Variants in ALK observed in about 807,000 individuals in gnomAD.
ALK encodes the protein ALK receptor tyrosine kinase, also known as ALK tyrosine kinase receptor.
A neutral mutation model predicts 163.1 loss-of-function variants in ALK; 74 were observed. The ratio of observed to expected loss-of-function variants is 0.45; its 90% CI spans 0.38 to 0.55. ALK has a LOEUF of 0.55. ALK is among the 20% of genes least tolerant of loss of function. The pLI, the probability that ALK is intolerant of heterozygous loss-of-function variation, is 0.00. For missense variants in ALK, 2,063 were observed against 2,105.3 expected (o/e 0.98, Z 0.39); for synonymous variants, 960 against 843.2 (o/e 1.14, Z -2.40).
intron 1 of ALK, among the ~76,000 whole-genome samples, chr2:29,822,578 G>A (rs990913302): frequency 2.0e-5 from 3 of 152,212 alleles, no homozygotes; most frequent in Non-Finnish European, 4.4e-5. Flanking sequence ...CTTGAGTGGT[G>A]TGTAAAAATT....
At chr2:29,674,056 A>C (rs1237614313) in intron 3 of ALK, among the ~76,000 whole-genome samples, 1 of 142,284 alleles carries the variant, frequency 7.0e-6, no homozygotes, top group African/African-American at 2.6e-5. Context: ...GTTGCTTATC[A>C]GCTTAAGGAG....
At chr2:29,449,483 G>T (rs1473580962) in intron 4 of ALK, among the ~76,000 whole-genome samples, 2 of 152,192 alleles carry the variant, frequency 1.3e-5, no homozygotes, top group African/African-American at 4.8e-5. Context: ...GTTGGTGTCT[G>T]CCCAGCTGCT....
intron 3 of ALK, among the ~76,000 whole-genome samples, chr2:29,561,824 G>T (rs556265134): frequency 6.6e-6 from 1 of 152,148 alleles, no homozygotes; most frequent in Non-Finnish European, 1.5e-5. Context: ...GACCGGGGCC[G>T]GGCATGGGGG....
At chr2:29,916,619 G>A (rs188834459) in intron 1 of ALK, among the ~76,000 whole-genome samples, 69 of 152,300 alleles carry the variant, frequency 4.5e-4, no homozygotes, top group African/African-American at 1.5e-3. Context: ...ATATTGCATT[G>A]CATACATCTC....
chr2:29,584,596 G>A (rs920916408), intron 3 of ALK, among the ~76,000 whole-genome samples: 4 of 152,080 alleles, frequency 2.6e-5, no homozygotes, highest in African/African-American at 9.7e-5. Flanking sequence ...CCTCATCATC[G>A]GCAGTCTCAC....
intron 1 of ALK, among the ~76,000 whole-genome samples, chr2:29,762,649 G>T (rs1680740554): frequency 6.6e-6 from 1 of 152,234 alleles, no homozygotes; most frequent in Admixed American, 6.5e-5. Context: ...ATAGACATAT[G>T]TGGCTCTGAA....
At chr2:29,721,358 G>A (rs1679416902) in intron 1 of ALK, among the ~76,000 whole-genome samples, 1 of 152,108 alleles carries the variant, frequency 6.6e-6, no homozygotes, top group African/African-American at 2.4e-5. Flanking sequence ...GGAGAAGAGG[G>A]GTGGAGGAAC....
intron 13 of ALK, 143 bp from the exon 14 acceptor site, chr2:29,233,839 C>G: frequency 1.0e-6 from 1 of 992,332 alleles, no homozygotes; most frequent in South Asian, 1.5e-5. Context: ...AAAAATATAC[C>G]AATAACTGTC....
At chr2:29,495,332 T>C (rs1671998590) in intron 4 of ALK, among the ~76,000 whole-genome samples, 1 of 152,184 alleles carries the variant, frequency 6.6e-6, no homozygotes, top group African/African-American at 2.4e-5. Flanking sequence ...GAGGGTGGCA[T>C]TGGAGTGTTT....
chr2:29,434,822 T>C (rs769424721), intron 4 of ALK, among the ~76,000 whole-genome samples: 6 of 152,198 alleles, frequency 3.9e-5, no homozygotes, highest in South Asian at 2.1e-4. Context: ...ATGAGGCCAT[T>C]GTGCCTTTTT....
At position 29,514,671 on chromosome 2, in the gene ALK, G is replaced by A. The variant is rs146777545; in HGVS notation, c.1154+17244C>T. Among the ~76,000 whole-genome samples, 174 of 152,234 alleles carry A rather than the reference G, an allele frequency of 1.1e-3. 2 individuals carry two copies. The highest frequency in any genetic ancestry group is 4.0e-3 in the African/African-American group (166 of 41,544). ...CTTTTCTCTCCACACATGTGCCTCC[G>A]TCATTTTTGCCTGTTTTGGTGAATG... On this transcript the variant is annotated intron_variant, in intron 4 of 28. Transcript: ENST00000389048.
chr2:29,586,047 C>T (rs2148202567), intron 3 of ALK, among the ~76,000 whole-genome samples: 1 of 152,234 alleles, frequency 6.6e-6, no homozygotes, highest in Non-Finnish European at 1.5e-5. Flanking sequence ...TCATCACAAC[C>T]TCATTGGCAT....
rs145973041 is a variant in ALK at position 29,490,319 on chromosome 2, C to T, written c.1154+41596G>A. Among the ~76,000 whole-genome samples the T allele has an allele frequency of 9.8e-5, 15 of 152,314 alleles. No individual in the cohort carries two copies. The East Asian group carries it at 2.7e-3, about 27-fold the overall frequency. ...CAGAGTCAGATGGTGTGTTAATATG[C>T]TGTTCTGGATCATTTAGTAGCATTC... On this transcript the variant is annotated intron_variant, in intron 4 of 28. Coordinates refer to ENST00000389048, the MANE Select transcript of ALK (RefSeq NM_004304.5).
At chr2:29,918,770 G>A (rs1190070399) in intron 1 of ALK, among the ~76,000 whole-genome samples, 3 of 152,070 alleles carry the variant, frequency 2.0e-5, no homozygotes, top group African/African-American at 7.2e-5. Context: ...CCTTTTCAAT[G>A]GTTTCCATCC....
Position 29,715,440 on chromosome 2 carries a change from A to T in ALK, c.787+2138T>A, listed in dbSNP as rs137937458. On this transcript the variant is annotated intron_variant, in intron 2 of 28. Coordinates refer to ENST00000389048, the MANE Select transcript of ALK (RefSeq NM_004304.5). The stretch of plus-strand genomic sequence containing the variant: ...TTCCTTTGCCCTAAGGTGGCATGCC[A>T]TTTCACCCTCATTTTACAGATAAGG... 4.0e-3 allele frequency among the ~76,000 whole-genome samples: 604 copies of T among 152,304 alleles called. 6 individuals are homozygous for T. The highest frequency in any genetic ancestry group is 0.024 in the Middle Eastern group (7 of 294).
intron 1 of ALK, among the ~76,000 whole-genome samples, chr2:29,762,058 G>A (rs1680721562): frequency 6.6e-6 from 1 of 152,220 alleles, no homozygotes; most frequent in Non-Finnish European, 1.5e-5. Flanking sequence ...AAGTCAATCG[G>A]TAAAGGGGGA....
chr2:29,805,400 A>G (rs1201328747), intron 1 of ALK, among the ~76,000 whole-genome samples: 1 of 152,162 alleles, frequency 6.6e-6, no homozygotes, highest in Non-Finnish European at 1.5e-5. Flanking sequence ...CATGGCATAC[A>G]TAAATGTGTG....
At chr2:29,334,682 CT>C (rs1667556021) in intron 5 of ALK, among the ~76,000 whole-genome samples, 1 of 152,172 alleles carries the variant, frequency 6.6e-6, no homozygotes, top group Non-Finnish European at 1.5e-5. Context: ...CCAGAGGTGC[CT>C]ACGTTTTCAG....
chr2:29,281,139 A>G (rs185896862), intron 9 of ALK, among the ~76,000 whole-genome samples: 1 of 152,334 alleles, frequency 6.6e-6, no homozygotes, highest in African/African-American at 2.4e-5. Flanking sequence ...TCTGGGACTG[A>G]GGGAAGGTTC....
Sources: allele counts gnomAD v4.1 joint callset (sites outside exome capture counted in the v4.1 genomes callset), GRCh38; gene constraint gnomAD v4.1.1; transcripts MANE v1.5; gene names NCBI Gene and HGNC (gene_info 2026-07-23, HGNC 2026-07-21).